Variants in MED27 observed in about 807,000 individuals in gnomAD.
MED27 encodes mediator of RNA polymerase II transcription subunit 27.
Under a neutral mutation model 38.2 loss-of-function variants are expected in MED27, and 30 were observed. The ratio of observed to expected loss-of-function variants is 0.79; its 90% CI spans 0.59 to 1.07. MED27 has a LOEUF of 1.07. Ranked by LOEUF, MED27 falls within the 50% of genes least tolerant of loss-of-function variation. MED27 has a pLI of 0.00. For missense variants in MED27, 289 were observed against 397.5 expected (o/e 0.73, Z 2.32); for synonymous variants, 122 against 153.5 (o/e 0.79, Z 1.52).
chr9:132,035,030 G>A (rs575182829), intron 2 of MED27, among the ~76,000 whole-genome samples: 2 of 152,232 alleles, frequency 1.3e-5, no homozygotes, highest in Admixed American at 6.5e-5. Context: ...AGACTCCCAG[G>A]CTACGTAACT....
chr9:131,900,015 A>G (rs1456004083), intron 4 of MED27, among the ~76,000 whole-genome samples: 1 of 152,256 alleles, frequency 6.6e-6, no homozygotes, highest in African/African-American at 2.4e-5. Context: ...GCCATCTGGT[A>G]ATGAAGCGAG....
rs148490175 is a variant in MED27 at position 132,004,090 on chromosome 9, G to A, written c.479+10247C>T. On this transcript the variant is annotated intron_variant, in intron 3 of 7. Transcript: ENST00000292035. Reference sequence around the variant, plus strand: ...CAGTGCTTCTAAAGATGAGGGAACCGAGGAAACCCCCCGGGACGCAGCAGG... The same window carrying A: ...CAGTGCTTCTAAAGATGAGGGAACCAAGGAAACCCCCCGGGACGCAGCAGG... 4.9e-4 allele frequency among the ~76,000 whole-genome samples: 75 copies of A among 152,182 alleles called. No homozygotes were observed. The East Asian group carries it at 0.01, about 21-fold the overall frequency.
intron 6 of MED27, among the ~76,000 whole-genome samples, chr9:131,877,659 C>G (rs897794416): frequency 1.6e-4 from 25 of 152,214 alleles, no homozygotes; most frequent in African/African-American, 5.5e-4. Context: ...ACACACCCAA[C>G]TAAGGTGTGC....
chr9:132,044,406 G>A lies in MED27; in HGVS notation c.349-29939C>T, dbSNP rs117487239. 2.8e-4 allele frequency among the ~76,000 whole-genome samples: 43 copies of A among 152,332 alleles called. No individual in the cohort carries two copies. The East Asian group carries it at 6.4e-3, about 23-fold the overall frequency. On this transcript the variant is annotated intron_variant, in intron 2 of 7. Transcript: ENST00000292035. ...ACGCTTCTTACTTCTCACTCCCAGC[G>A]CTTTTTCAGTGATCTTGCATCAGAA...
At chr9:132,033,038 C>A (rs1465531897) in intron 2 of MED27, among the ~76,000 whole-genome samples, 1 of 152,156 alleles carries the variant, frequency 6.6e-6, no homozygotes, top group Non-Finnish European at 1.5e-5. Context: ...AAATATCACT[C>A]AAATATTTTT....
At chr9:131,936,904 G>A (rs1187434436) in intron 4 of MED27, among the ~76,000 whole-genome samples, 1 of 152,234 alleles carries the variant, frequency 6.6e-6, no homozygotes, top group Admixed American at 6.5e-5. Flanking sequence ...GTAAAGGAAG[G>A]TGTCAGCTGA....
At chr9:131,958,950 C>T (rs1225378525) in intron 3 of MED27, among the ~76,000 whole-genome samples, 1 of 152,208 alleles carries the variant, frequency 6.6e-6, no homozygotes, top group Non-Finnish European at 1.5e-5. Context: ...CTTTATTTGC[C>T]TGTCTGGACT....
intron 3 of MED27, among the ~76,000 whole-genome samples, chr9:131,942,532 G>A (rs1277804224): frequency 1.3e-5 from 2 of 152,200 alleles, no homozygotes; most frequent in Non-Finnish European, 1.5e-5. Context: ...GAGGAGGATA[G>A]GCGATGTCTT....
intron 6 of MED27, among the ~76,000 whole-genome samples, chr9:131,873,810 T>C (rs1279184939): frequency 1.3e-5 from 2 of 152,198 alleles, no homozygotes; most frequent in South Asian, 2.1e-4. Context: ...GGCGAGCCTG[T>C]GGATGTACTC....
rs1418847437 is a variant in MED27 at position 131,878,217 on chromosome 9, G to C, written c.723+5841C>G. 1.3e-5 allele frequency among the ~76,000 whole-genome samples: 2 copies of C among 151,748 alleles called. 1 individual carries two copies. Among genetic ancestry groups the C allele is most frequent in the South Asian group, 4.1e-4 (2 of 4,822 alleles). On this transcript the variant is annotated intron_variant, in intron 6 of 7. Coordinates refer to ENST00000292035, the MANE Select transcript of MED27 (RefSeq NM_004269.4). ...GAACCTGGGAAGTGGAGGTTGCAGT[G>C]AGCTGAGATTACACCACTGCACTCC...
At chr9:132,066,639 G>A (rs1469530916) in intron 2 of MED27, among the ~76,000 whole-genome samples, 1 of 152,186 alleles carries the variant, frequency 6.6e-6, no homozygotes. Context: ...AGAAACTGTG[G>A]TGAGCTGGTG....
intron 2 of MED27, chr9:132,073,846 C>T: frequency 7.4e-7 from 1 of 1,356,488 alleles, no homozygotes; most frequent in Non-Finnish European, 9.5e-7. Context: ...CTTCTGGGGT[C>T]TTTGCAGCTT....
intron 3 of MED27, among the ~76,000 whole-genome samples, chr9:131,974,011 C>T (rs558887101): frequency 6.6e-6 from 1 of 152,136 alleles, no homozygotes; most frequent in Non-Finnish European, 1.5e-5. Flanking sequence ...CCGTGCCCGG[C>T]CTACTGGATT....
In MED27 at chr9:131,917,615, T is replaced by C. The variant is rs982998422; in HGVS notation, c.573+21766A>G. Among the ~76,000 whole-genome samples, 7 of 152,134 alleles carry C rather than the reference T, an allele frequency of 4.6e-5. No homozygotes were observed. Among genetic ancestry groups the C allele is most frequent in the Admixed American group, 1.3e-4 (2 of 15,266 alleles). Reference sequence around the variant, plus strand: ...CTGATAGCACATCAGGAAGAATGCATGTGGCATTGTGGGTGACAATGGGGA... The same window carrying C: ...CTGATAGCACATCAGGAAGAATGCACGTGGCATTGTGGGTGACAATGGGGA... On this transcript the variant is annotated intron_variant, in intron 4 of 7. Coordinates refer to ENST00000292035, the MANE Select transcript of MED27 (RefSeq NM_004269.4). The surrounding 1 kb of genome is among the most constrained non-coding windows in gnomAD (Gnocchi z 4.6).
intron 5 of MED27, among the ~76,000 whole-genome samples, chr9:131,885,497 G>A (rs1839123991): frequency 6.6e-6 from 1 of 152,120 alleles, no homozygotes; most frequent in Non-Finnish European, 1.5e-5. Context: ...CTGACGCCCG[G>A]CTGGTCAAGA....
At chr9:131,890,489 C>T (rs1428636972) in intron 5 of MED27, among the ~76,000 whole-genome samples, 8 of 152,208 alleles carry the variant, frequency 5.3e-5, no homozygotes, top group Non-Finnish European at 8.8e-5. Context: ...TCCCTTTACT[C>T]GTGTGTCTCC....
chr9:131,950,811 A>G (rs1197225136), intron 3 of MED27, among the ~76,000 whole-genome samples: 3 of 152,350 alleles, frequency 2.0e-5, no homozygotes, highest in African/African-American at 4.8e-5. Context: ...AATCCTGCAC[A>G]TAATGCATAC....
intron 3 of MED27, among the ~76,000 whole-genome samples, chr9:131,958,632 T>C (rs755441510): frequency 1.3e-5 from 2 of 152,192 alleles, no homozygotes; most frequent in Admixed American, 6.5e-5. Context: ...CTCAGGTTGC[T>C]TTGCTCTGCA....
rs1427155933 is a variant in MED27 at position 131,862,075 on chromosome 9, C to G, written c.801+988G>C. ...TCCCTGGACACACAGAAGGACCACT[C>G]TGTGGGAGCTCTGAGCACCTGGCTG... On this transcript the variant is annotated intron_variant, in intron 7 of 7. Coordinates refer to ENST00000292035, the MANE Select transcript of MED27 (RefSeq NM_004269.4). The surrounding 1 kb of genome is among the most constrained non-coding windows in gnomAD (Gnocchi z 4.6). Among the ~76,000 whole-genome samples the G allele has an allele frequency of 6.6e-6, 1 of 152,216 alleles. No homozygotes were observed. Among genetic ancestry groups the G allele is most frequent in the Non-Finnish European group, 1.5e-5 (1 of 68,042 alleles).
Sources: allele counts gnomAD v4.1 joint callset (sites outside exome capture counted in the v4.1 genomes callset), GRCh38; gene constraint gnomAD v4.1.1; non-coding constraint Gnocchi (gnomAD v3.1); transcripts MANE v1.5; gene names NCBI Gene and HGNC (gene_info 2026-07-23, HGNC 2026-07-21).